MYT1L: variants seen among roughly 807,000 people sequenced by gnomAD.
MYT1L encodes myelin transcription factor 1-like protein.
A neutral mutation model predicts 126.7 loss-of-function variants in MYT1L; 12 were observed. That is an observed-to-expected ratio of 0.09 (90% CI 0.06 to 0.15). The LOEUF (loss-of-function observed/expected upper bound fraction) is 0.15. Among genes scored for constraint, MYT1L ranks in the 10% least tolerant of loss-of-function variants. The pLI is 1.00. For synonymous variants in MYT1L, 541 were observed against 604.2 expected (o/e 0.90, Z 1.53); for missense variants, 979 against 1,585.2 (o/e 0.62, Z 6.49).
intron 3 of MYT1L, among the ~76,000 whole-genome samples, chr2:2,126,733 C>T (rs998236108): frequency 3.3e-5 from 5 of 152,214 alleles, no homozygotes; most frequent in Admixed American, 6.5e-5. Flanking sequence ...GGCCTGCTGC[C>T]ACAGAAGTGC....
intron 19 of MYT1L, among the ~76,000 whole-genome samples, chr2:1,849,119 CAT>C (rs1216368862): frequency 1.3e-5 from 2 of 149,766 alleles, no homozygotes; most frequent in Admixed American, 6.7e-5. Flanking sequence ...GTTTAACCCA[CAT>C]GAGGACTAAA....
At chr2:1,835,019 GGGA>G (rs2040686701) in intron 21 of MYT1L, among the ~76,000 whole-genome samples, 1 of 122,340 alleles carries the variant, frequency 8.2e-6, no homozygotes. Context: ...ACATACCACG[GGGA>G]TGGATACAGG....
intron 1 of MYT1L, among the ~76,000 whole-genome samples, chr2:2,285,396 A>C (rs2095505809): frequency 6.6e-6 from 1 of 152,208 alleles, no homozygotes; most frequent in South Asian, 2.1e-4. Flanking sequence ...CATATTTCCT[A>C]TTTCCTAGGT....
At chr2:2,077,785 G>A (rs1441602385) in intron 3 of MYT1L, among the ~76,000 whole-genome samples, 3 of 152,140 alleles carry the variant, frequency 2.0e-5, no homozygotes, top group African/African-American at 7.2e-5. Flanking sequence ...AGAATTTATT[G>A]CTAGAAGACG....
rs181383146 is a variant in MYT1L, at chr2:2,207,759, A to G, written c.-420-34771T>C. On this transcript the variant is annotated intron_variant, in intron 2 of 24. Transcript: ENST00000647738. Reference sequence around the variant, plus strand: ...AATACACAAATGCAGAAACTCACACATTTACACAAATCTTCTAAAGGATTA... The same window carrying G: ...AATACACAAATGCAGAAACTCACACGTTTACACAAATCTTCTAAAGGATTA... Among the ~76,000 whole-genome samples, 31 of 152,282 alleles carry G rather than the reference A, an allele frequency of 2.0e-4. No individual in the cohort carries two copies. In the East Asian group the frequency reaches 4.4e-3, roughly 22 times the overall value.
rs2032713167 is a variant in MYT1L, at chr2:1,793,576, C to T, written c.3277-1112G>A. ...CTCCCTTGGCTGTACTGGGTCAAAT[C>T]CCGGGTTCTCCCAGTCACCAGCCTC... is the stretch of plus-strand genomic sequence containing the variant. On this transcript the variant is annotated intron_variant, in intron 23 of 24. Transcript: ENST00000647738. This position sits in a 1 kb window ranked among gnomAD's most constrained non-coding sequence, Gnocchi z 4.6. 6.6e-6 allele frequency among the ~76,000 whole-genome samples: 1 copy of T among 152,180 alleles called. No homozygotes were observed. Among genetic ancestry groups the T allele is most frequent in the South Asian group, 2.1e-4 (1 of 4,834 alleles).
chr2:1,842,164 G>A (rs1354116601), intron 19 of MYT1L: 1 of 152,318 alleles, frequency 6.6e-6, no homozygotes, highest in Non-Finnish European at 1.5e-5. Flanking sequence ...TGAGCTCGGG[G>A]ATAGTTTTCT....
rs970717124 is a variant in MYT1L, at chr2:1,887,690, G to A, written c.2521-81C>T. ...GAGGGAGGTGGTTCGTGGCTCTGGG[G>A]TGGCCTCTACATCTTACACCTCTTT... is the stretch of plus-strand genomic sequence containing the variant. On this transcript the variant is annotated intron_variant, in intron 16 of 24. Transcript: ENST00000647738. This position sits in a 1 kb window ranked among gnomAD's most constrained non-coding sequence, Gnocchi z 4.8. The A allele has an allele frequency of 1.3e-5, 20 of 1,572,020 alleles. No homozygotes were observed. In the South Asian group the frequency reaches 1.5e-4, roughly 11 times the overall value.
intron 3 of MYT1L, among the ~76,000 whole-genome samples, chr2:2,165,088 T>A (rs75828552): frequency 0.066 from 10,082 of 152,204 alleles, 340 homozygotes; most frequent in East Asian, 0.12. Flanking sequence ...GCGCCAGCTC[T>A]CCAGGGGCAC....
chr2:1,805,884 C>T (rs898859222), intron 22 of MYT1L, among the ~76,000 whole-genome samples: 1 of 151,698 alleles, frequency 6.6e-6, no homozygotes, highest in Non-Finnish European at 1.5e-5. Context: ...AGACCCAGTC[C>T]AAAAAAAGAG....
chr2:2,115,889 A>ACG (rs1325893396), intron 3 of MYT1L, among the ~76,000 whole-genome samples: 1 of 150,442 alleles, frequency 6.6e-6, no homozygotes, highest in Non-Finnish European at 1.5e-5. Context: ...AGGATGCACC[A>ACG]CGTCCAGTCG....
At chr2:2,099,488 G>C (rs755191219) in intron 3 of MYT1L, among the ~76,000 whole-genome samples, 4 of 152,114 alleles carry the variant, frequency 2.6e-5, no homozygotes, top group African/African-American at 7.2e-5. Flanking sequence ...AGACTAAAAG[G>C]CTTCCCAGAG....
chr2:1,808,036 T>C (rs1005111568), intron 22 of MYT1L, among the ~76,000 whole-genome samples: 13 of 152,156 alleles, frequency 8.5e-5, no homozygotes, highest in African/African-American at 2.7e-4. Flanking sequence ...CCTGCCGCCA[T>C]GTGAAGAAGG....
intron 1 of MYT1L, among the ~76,000 whole-genome samples, chr2:2,310,415 T>C (rs1374735633): frequency 6.6e-6 from 1 of 152,096 alleles, no homozygotes; most frequent in Non-Finnish European, 1.5e-5. Flanking sequence ...CTATACTCCA[T>C]CTACACTTCA....
chr2:2,302,425 G>C (rs767223875), intron 1 of MYT1L, among the ~76,000 whole-genome samples: 2 of 152,214 alleles, frequency 1.3e-5, no homozygotes, highest in African/African-American at 4.8e-5. Flanking sequence ...TATAAGGTGA[G>C]CTTTGAAAAT....
At chr2:1,836,152 G>A (rs547488320) in intron 21 of MYT1L, among the ~76,000 whole-genome samples, 17 of 152,180 alleles carry the variant, frequency 1.1e-4, no homozygotes, top group African/African-American at 3.4e-4. Flanking sequence ...CAAATTCTCC[G>A]AGTAACATGG....
chr2:2,293,334 T>C (rs1431193954), intron 1 of MYT1L, among the ~76,000 whole-genome samples: 1 of 151,972 alleles, frequency 6.6e-6, no homozygotes, highest in Non-Finnish European at 1.5e-5. Context: ...AAAGGAAGAG[T>C]GAGGGCTTCA....
At chr2:1,901,818 C>A (rs546989664) in intron 14 of MYT1L, among the ~76,000 whole-genome samples, 1 of 152,138 alleles carries the variant, frequency 6.6e-6, no homozygotes, top group Non-Finnish European at 1.5e-5. Flanking sequence ...AGCCACCATG[C>A]CCGGCTAATT....
Position 2,055,264 on chromosome 2 carries a change from C to T in MYT1L, c.-303-1141G>A, listed in dbSNP as rs192323666. ...TGTATTTCATAGCTTATATCATCAGCGGGTTGTCATGTGTGTTTGTATTTT... is the reference window on the plus strand; with the variant it reads ...TGTATTTCATAGCTTATATCATCAGTGGGTTGTCATGTGTGTTTGTATTTT... On this transcript the variant is annotated intron_variant, in intron 3 of 24. Coordinates refer to ENST00000647738, the MANE Select transcript of MYT1L (RefSeq NM_001303052.2). Among the ~76,000 whole-genome samples the T allele has an allele frequency of 1.6e-4, 25 of 152,226 alleles. No individual in the cohort carries two copies. In the East Asian group the frequency reaches 3.5e-3, roughly 21 times the overall value.
Sources: gnomAD v4.1 joint callset for allele counts (sites outside exome capture counted in the v4.1 genomes callset) on GRCh38, gnomAD v4.1.1 for gene constraint, Gnocchi (gnomAD v3.1) non-coding constraint, MANE v1.5 for transcripts, NCBI Gene and HGNC (gene_info 2026-07-23, HGNC 2026-07-21) for gene names.